MAML3: variants seen among roughly 807,000 people sequenced by gnomAD.
MAML3 encodes the protein mastermind like transcriptional coactivator 3, also known as mastermind-like protein 3.
MAML3 carries 27 observed loss-of-function variants against 101.9 expected under a neutral mutation model. The ratio of observed to expected loss-of-function variants is 0.27; its 90% CI spans 0.20 to 0.37. The LOEUF (loss-of-function observed/expected upper bound fraction) is 0.37. Ranked by LOEUF, MAML3 falls within the 10% of genes least tolerant of loss-of-function variation. MAML3 has a pLI of 1.00. For missense variants in MAML3, 1,316 were observed against 1,444.9 expected, an observed-to-expected ratio of 0.91 and a Z score of 1.45; for synonymous variants, 501 against 555.9, an observed-to-expected ratio of 0.90 and a Z score of 1.39.
At chr4:139,967,119 A>G (rs183676216) in intron 1 of MAML3, among the ~76,000 whole-genome samples, 5 of 152,336 alleles carry the variant, frequency 3.3e-5, no homozygotes, top group Non-Finnish European at 5.9e-5. Context: ...TCAACACAGC[A>G]ACAATGGAAA....
chr4:139,930,215 G>A (rs1033750238), intron 1 of MAML3, among the ~76,000 whole-genome samples: 4 of 152,296 alleles, frequency 2.6e-5, no homozygotes, highest in Admixed American at 2.0e-4. Flanking sequence ...GGAAGATGGA[G>A]GCCAACTATT....
At chr4:140,042,401 G>A (rs1194180877) in intron 1 of MAML3, among the ~76,000 whole-genome samples, 2 of 152,124 alleles carry the variant, frequency 1.3e-5, no homozygotes, top group Non-Finnish European at 2.9e-5. Context: ...TTGGGAGGCC[G>A]AGGCAGGCGG....
intron 2 of MAML3, among the ~76,000 whole-genome samples, chr4:139,741,040 G>A (rs1729148641): frequency 6.6e-6 from 1 of 152,194 alleles, no homozygotes. Flanking sequence ...ACTATGTGAT[G>A]CTGAGGCTCT....
intron 2 of MAML3, among the ~76,000 whole-genome samples, chr4:139,792,813 C>G (rs1295362834): frequency 6.6e-6 from 1 of 150,592 alleles, no homozygotes; most frequent in South Asian, 2.1e-4. Context: ...GGTGCAATCT[C>G]GGCTCACTGC....
chr4:139,960,259 G>C (rs1050962224), intron 1 of MAML3, among the ~76,000 whole-genome samples: 1 of 152,192 alleles, frequency 6.6e-6, no homozygotes, highest in Non-Finnish European at 1.5e-5. Flanking sequence ...GAATTTCATT[G>C]TGTCAAAGAA....
chr4:139,752,271 T>C (rs1393950485), intron 2 of MAML3, among the ~76,000 whole-genome samples: 2 of 152,264 alleles, frequency 1.3e-5, no homozygotes, highest in Non-Finnish European at 2.9e-5. Flanking sequence ...TTGTAAGATG[T>C]ATCCTGATTT....
In MAML3 at chr4:139,864,410, G is replaced by A. The variant is rs553853542; in HGVS notation, c.2079+24947C>T. ...AAATCTTTCATGGGCCAGGTGCGGC[G>A]GCTCACGCCTGTAATCCCAGCACTT... is the stretch of plus-strand genomic sequence containing the variant. On this transcript the variant is annotated intron_variant, in intron 2 of 4. Transcript: ENST00000509479. Among the ~76,000 whole-genome samples, 7 of 152,102 alleles carry A rather than the reference G, an allele frequency of 4.6e-5. No homozygotes were observed. The South Asian group carries it at 1.0e-3, about 23-fold the overall frequency.
chr4:139,719,866 T>G lies in MAML3; in HGVS notation c.2874A>C (p.Gln958His). 6.2e-7 allele frequency: 1 copy of G among 1,613,908 alleles called. No homozygotes were observed. Among genetic ancestry groups the G allele is most frequent in the African/African-American group, 1.3e-5 (1 of 75,080 alleles). ...TCCTCTGTTGCCAGCTTTGTGCTCCTTGCTGGACTGTTCCCATAAGGCTCT... is the reference window on the plus strand; with the variant it reads ...TCCTCTGTTGCCAGCTTTGTGCTCCGTGCTGGACTGTTCCCATAAGGCTCT... ...RLQSLMGTVQ[Q>H]GAQSWQQRSL... The change falls in exon 5 of 5, where the codon CAA becomes CAC. Residue 958 changes from glutamine (Q) to histidine (H), a missense_variant. Physicochemically the swap from Gln to His is conservative, Grantham distance 24 (BLOSUM62 0). Transcript: ENST00000509479.
chr4:139,796,665 C>T (rs1333940886), intron 2 of MAML3, among the ~76,000 whole-genome samples: 1 of 152,090 alleles, frequency 6.6e-6, no homozygotes, highest in African/African-American at 2.4e-5. Flanking sequence ...TTTAGCTTGC[C>T]CTACCAGAAC....
rs752537761 is a variant in MAML3, at chr4:139,890,274, C to T, written c.1162G>A (p.Val388Ile). Residue 388 changes from valine (V) to isoleucine (I), a missense_variant, in exon 2 of 5, where the codon GTC becomes ATC. Val to Ile is a conservative substitution (Grantham distance 29). Transcript: ENST00000509479. This position sits in a 1 kb window ranked among gnomAD's most constrained non-coding sequence, Gnocchi z 4.1. ...GAAGGTAAACTAGTGGCCGTGGAGA[C>T]AGTAGAAAAGGGAGGACCAGAAGAA... ...PSSSGPPFST[V>I]STATSLPSVA... 3 of 1,613,736 alleles carry T rather than the reference C, an allele frequency of 1.9e-6. No individual in the cohort carries two copies. The highest frequency in any genetic ancestry group is 1.7e-5 in the Admixed American group (1 of 60,004).
chr4:139,879,504 T>G, intron 2 of MAML3, among the ~76,000 whole-genome samples: 1 of 132,430 alleles, frequency 7.6e-6, no homozygotes, highest in Non-Finnish European at 1.6e-5. Context: ...CCAGCCTGGG[T>G]GACAAAGTGA....
intron 1 of MAML3, among the ~76,000 whole-genome samples, chr4:140,080,558 TAGAA>T (rs1184261120): frequency 2.6e-5 from 4 of 152,174 alleles, no homozygotes; most frequent in African/African-American, 9.7e-5. Context: ...GGATTGGAAA[TAGAA>T]GGAGAAGAAA....
chr4:140,017,084 A>G (rs773226582), intron 1 of MAML3, among the ~76,000 whole-genome samples: 99 of 152,230 alleles, frequency 6.5e-4, no homozygotes, highest in Non-Finnish European at 8.1e-4. Flanking sequence ...TAGACTATAT[A>G]AAGAATTCTC....
Position 140,096,406 on chromosome 4 carries a change from T to A in MAML3, c.468+56454A>T, listed in dbSNP as rs527276119. ...ACCAGAATACAGCATGGACCCTCAG[T>A]CAGACACACTTCTGAGAAGCTGAAA... On this transcript the variant is annotated intron_variant, in intron 1 of 4. Coordinates refer to ENST00000509479, the MANE Select transcript of MAML3 (RefSeq NM_018717.5). 4.5e-4 allele frequency among the ~76,000 whole-genome samples: 68 copies of A among 152,250 alleles called. 2 individuals are homozygous for A. In the South Asian group the frequency reaches 0.014, roughly 31 times the overall value.
At chr4:140,028,786 C>CT (rs1726865146) in intron 1 of MAML3, among the ~76,000 whole-genome samples, 1 of 152,036 alleles carries the variant, frequency 6.6e-6, no homozygotes, top group Non-Finnish European at 1.5e-5. Flanking sequence ...CCTTTCTCTT[C>CT]TTTATTATGT....
chr4:139,761,738 A>G (rs1277970176), intron 2 of MAML3, among the ~76,000 whole-genome samples: 1 of 152,142 alleles, frequency 6.6e-6, no homozygotes, highest in African/African-American at 2.4e-5. Flanking sequence ...TGAAACGGTG[A>G]GGCAAGTGCA....
rs188364696 is a variant in MAML3, at chr4:139,730,570, C to A, written c.2177G>T (p.Gly726Val). Reference protein sequence around the residue: ...GGMVSGASPAGPGFLGSQPQA... With the variant: ...GGMVSGASPAVPGFLGSQPQA... Reference sequence around the variant, plus strand: ...GGGCTGGCTGCCCAGGAAGCCGGGGCCTGCGGGACTGGCTCCTGAGACCAT... The same window carrying A: ...GGGCTGGCTGCCCAGGAAGCCGGGGACTGCGGGACTGGCTCCTGAGACCAT... The change falls in exon 3 of 5, where the codon GGC becomes GTC. Residue 726 changes from glycine to valine, a missense_variant. Physicochemically the swap from Gly to Val is moderately radical, Grantham distance 109. Transcript: ENST00000509479. The A allele has an allele frequency of 6.2e-7, 1 of 1,601,526 alleles. No individual in the cohort carries two copies. Among genetic ancestry groups the A allele is most frequent in the Non-Finnish European group, 8.5e-7 (1 of 1,174,676 alleles).
intron 2 of MAML3, among the ~76,000 whole-genome samples, chr4:139,776,954 A>G (rs918217189): frequency 2.6e-5 from 4 of 152,232 alleles, no homozygotes; most frequent in African/African-American, 7.2e-5. Flanking sequence ...GGTTCTCCAA[A>G]GCAAGATGAA....
At chr4:139,768,553 A>G (rs1428268528) in intron 2 of MAML3, among the ~76,000 whole-genome samples, 1 of 152,222 alleles carries the variant, frequency 6.6e-6, no homozygotes. Flanking sequence ...TTTGGCTTAC[A>G]GTTGTAAATA....
Sources: allele counts gnomAD v4.1 joint callset (sites outside exome capture counted in the v4.1 genomes callset), GRCh38; gene constraint gnomAD v4.1.1; non-coding constraint Gnocchi (gnomAD v3.1); transcripts MANE v1.5; gene names NCBI Gene and HGNC (gene_info 2026-07-23, HGNC 2026-07-21).